Variants in ANKRA2 observed in about 807,000 individuals in gnomAD.
The protein encoded by ANKRA2 is ankyrin repeat family A protein 2.
Under a neutral mutation model 37.8 loss-of-function variants are expected in ANKRA2, and 33 were observed. The observed-to-expected ratio is 0.87, with a 90% CI of 0.66 to 1.17. ANKRA2 has a LOEUF of 1.17. ANKRA2 is among the 50% of genes most tolerant of loss of function. The pLI is 0.00. For synonymous variants in ANKRA2, 126 were observed against 132.3 expected, an observed-to-expected ratio of 0.95 and a Z score of 0.33; for missense variants, 326 against 373.7, an observed-to-expected ratio of 0.87 and a Z score of 1.05.
At chr5:73,562,234 C>T (rs1747576638) in intron 2 of ANKRA2, among the ~76,000 whole-genome samples, 3 of 152,112 alleles carry the variant, frequency 2.0e-5, no homozygotes, top group Admixed American at 2.0e-4. Context: ...CCAGGCTGGT[C>T]TTGAACTCCT....
In ANKRA2 at chr5:73,561,240, T is replaced by A; in HGVS notation, c.338A>T (p.His113Leu). Residue 113 changes from histidine (H) to leucine (L), a missense_variant, in exon 3 of 9, where the codon CAT becomes CTT. His to Leu is a moderately conservative substitution (Grantham distance 99). Coordinates refer to ENST00000296785, the MANE Select transcript of ANKRA2 (RefSeq NM_023039.5). ...CTTTGTTGTAGAGGGGGTGTAGACA[T>A]GCCTTACTTGAATTCCCGGAGAAGG... is the stretch of plus-strand genomic sequence containing the variant. Reference protein sequence around the residue: ...TSPSPGIQVRHVYTPSTTKHF... With the variant: ...TSPSPGIQVRLVYTPSTTKHF... 1 of 1,613,460 alleles carries A rather than the reference T, an allele frequency of 6.2e-7. No individual in the cohort carries two copies. Among genetic ancestry groups the A allele is most frequent in the Non-Finnish European group, 8.5e-7 (1 of 1,179,504 alleles).
chr5:73,562,389 A>T (rs915297502), intron 2 of ANKRA2: 46 of 462,856 alleles, frequency 9.9e-5, no homozygotes, highest in Middle Eastern at 5.9e-4. Context: ...AGAAGTTTTT[A>T]AAAAAATCAA....
chr5:73,557,411 CTT>C (rs80067963), intron 4 of ANKRA2, 162 bp downstream of exon 4: 655 of 192,912 alleles, frequency 3.4e-3, no homozygotes, highest in Middle Eastern at 5.3e-3. Flanking sequence ...CTTTATATTC[CTT>C]TTTTTTTTTT....
intron 2 of ANKRA2, 25 bp from the exon 3 acceptor site, chr5:73,561,313 C>T (rs773935728): frequency 6.3e-7 from 1 of 1,591,792 alleles, no homozygotes; most frequent in Non-Finnish European, 8.6e-7. Flanking sequence ...AATGTAAACA[C>T]ATTAAAAGCA....
At position 73,553,482 on chromosome 5, in the gene ANKRA2, A is replaced by G. The variant is rs1201164280; in HGVS notation, c.810T>C (p.Ser270=). The part of the protein sequence containing the change: ...HVKCVKMLLE[S]GADPTIETDS... Reference sequence around the variant, plus strand: ...CAGTTTCAATTGTTGGATCAGCCCCACTTTCTATACCAAAATAGAAAAACT... The same window carrying G: ...CAGTTTCAATTGTTGGATCAGCCCCGCTTTCTATACCAAAATAGAAAAACT... Residue 270 remains serine (S), a synonymous_variant, in exon 8 of 9, where the codon AGT becomes AGC. Coordinates refer to ENST00000296785, the MANE Select transcript of ANKRA2 (RefSeq NM_023039.5). The G allele has an allele frequency of 6.2e-7, 1 of 1,610,928 alleles. No individual in the cohort carries two copies. Among genetic ancestry groups the G allele is most frequent in the African/African-American group, 1.3e-5 (1 of 74,988 alleles).
intron 5 of ANKRA2, 45 bp from the exon 6 acceptor site, chr5:73,555,031 C>T: frequency 6.3e-7 from 1 of 1,587,316 alleles, no homozygotes; most frequent in Non-Finnish European, 8.5e-7. Context: ...TTAGTTTAAA[C>T]AAGAATATTG....
intron 2 of ANKRA2, among the ~76,000 whole-genome samples, chr5:73,562,008 ATTT>A (rs925203408): frequency 2.6e-5 from 4 of 151,580 alleles, no homozygotes; most frequent in Admixed American, 2.6e-4. Context: ...AAGGAACATG[ATTT>A]TTTTTCTTAT....
intron 3 of ANKRA2, among the ~76,000 whole-genome samples, chr5:73,559,367 C>T (rs763603039): frequency 6.6e-6 from 1 of 151,726 alleles, no homozygotes; most frequent in Non-Finnish European, 1.5e-5. Context: ...TTTTAACATA[C>T]TTATACTATA....
intron 1 of ANKRA2, among the ~76,000 whole-genome samples, chr5:73,563,705 G>A (rs182746125): frequency 6.6e-6 from 1 of 152,080 alleles, no homozygotes. Flanking sequence ...TTATCATTTG[G>A]GACAGAAAGG....
intron 3 of ANKRA2, among the ~76,000 whole-genome samples, chr5:73,558,175 G>A (rs889179033): frequency 2.6e-5 from 4 of 152,020 alleles, no homozygotes; most frequent in South Asian, 2.1e-4. Context: ...ACAGGGTTTC[G>A]TCATGTTGTT....
rs1362816397 is a variant in ANKRA2 at position 73,555,456 on chromosome 5, T to A, written c.612+32A>T. On this transcript the variant is annotated intron_variant, in intron 5 of 8. Transcript: ENST00000296785. Reference sequence around the variant, plus strand: ...ACTAAAGACTTAACTTAAGTAACTATACATATACATTTTCTGAGGCATTTT... The same window carrying A: ...ACTAAAGACTTAACTTAAGTAACTAAACATATACATTTTCTGAGGCATTTT... 7 of 1,610,848 alleles carry A rather than the reference T, an allele frequency of 4.3e-6. No individual in the cohort carries two copies. In the South Asian group the frequency reaches 7.7e-5, roughly 18 times the overall value.
chr5:73,553,516 GA>G (rs745400528), intron 7 of ANKRA2, 30 bp from the exon 8 acceptor site: 2 of 1,549,184 alleles, frequency 1.3e-6, no homozygotes, highest in Non-Finnish European at 1.8e-6. Flanking sequence ...CTACATAAAT[GA>G]AATGAAAATG....
intron 1 of ANKRA2, 33 bp from the exon 2 acceptor site, chr5:73,563,018 C>T (rs1438275759): frequency 1.3e-6 from 1 of 787,382 alleles, no homozygotes; most frequent in Non-Finnish European, 1.9e-6. Context: ...TAAAAGTATT[C>T]TATCAGCTTA....
intron 8 of ANKRA2, among the ~76,000 whole-genome samples, 176 bp downstream of exon 8, chr5:73,553,230 C>G (rs1468074506): frequency 6.6e-6 from 1 of 152,220 alleles, no homozygotes; most frequent in Admixed American, 6.5e-5. Flanking sequence ...AGTATAGTAA[C>G]AAACTCATTT....
rs1747706582 is a variant in ANKRA2, at chr5:73,565,418, T to G, written c.-391A>C. 2 of 232,564 alleles carry G rather than the reference T, an allele frequency of 8.6e-6. No homozygotes were observed. The highest frequency in any genetic ancestry group is 1.7e-5 in the Non-Finnish European group (2 of 114,984). The allele number at this position is 232,564 out of a possible 1,614,324, so 14.4% of individuals were successfully genotyped here. On this transcript the variant is annotated 5_prime_UTR_variant, in exon 1 of 9. Transcript: ENST00000296785. ...CAGGCCTCCAAGCCCGGGCTTGTTTTGGCCGCGACGTCACTTCCGATTTCT... is the reference window on the plus strand; with the variant it reads ...CAGGCCTCCAAGCCCGGGCTTGTTTGGGCCGCGACGTCACTTCCGATTTCT...
chr5:73,556,522 A>T (rs1488338950), intron 4 of ANKRA2, among the ~76,000 whole-genome samples: 1 of 152,248 alleles, frequency 6.6e-6, no homozygotes, highest in East Asian at 1.9e-4. Context: ...AGGAAAGCCC[A>T]GAAGTTCTAG....
chr5:73,560,135 T>G (rs1264347452), intron 3 of ANKRA2, among the ~76,000 whole-genome samples: 1 of 152,176 alleles, frequency 6.6e-6, no homozygotes, highest in Non-Finnish European at 1.5e-5. Flanking sequence ...AGGACATCAC[T>G]TAAGCTTTCA....
rs770556187 is a variant in ANKRA2, at chr5:73,562,921, T to A, written c.-40A>T. On this transcript the variant is annotated 5_prime_UTR_variant, in exon 2 of 9. It removes an upstream start codon present in the reference 5' UTR. Coordinates refer to ENST00000296785, the MANE Select transcript of ANKRA2 (RefSeq NM_023039.5). ...TTTCAATAACTAAAACATTTCTTCA[T>A]GATTTCCTCTTGGTTTTGTAAGAGC... The A allele has an allele frequency of 6.5e-7, 1 of 1,535,338 alleles. No homozygotes were observed. Among genetic ancestry groups the A allele is most frequent in the Non-Finnish European group, 8.8e-7 (1 of 1,137,192 alleles).
At position 73,558,248 on chromosome 5, in the gene ANKRA2, G is replaced by A. The variant is rs561493777; in HGVS notation, c.449-608C>T. Among the ~76,000 whole-genome samples the A allele has an allele frequency of 5.0e-4, 76 of 152,012 alleles. 1 individual carries two copies. Among genetic ancestry groups the A allele is most frequent in the Non-Finnish European group, 9.6e-4 (65 of 67,978 alleles). On this transcript the variant is annotated intron_variant, in intron 3 of 8. Transcript: ENST00000296785. The stretch of plus-strand genomic sequence containing the variant: ...CCCACCTTGACCTCCCACAGTGCTG[G>A]GATTACAGGCATGAGCCACCATGCC...
Sources: gnomAD v4.1 joint callset for allele counts (sites outside exome capture counted in the v4.1 genomes callset) on GRCh38, gnomAD v4.1.1 for gene constraint, MANE v1.5 for transcripts, NCBI Gene and HGNC (gene_info 2026-07-23, HGNC 2026-07-21) for gene names.